Variants in SYCP1 observed in about 807,000 individuals in gnomAD.
SYCP1 encodes the protein cancer/testis antigen 8.
SYCP1 carries 64 observed loss-of-function variants against 153.1 expected under a neutral mutation model. That is an observed-to-expected ratio of 0.42 (90% CI 0.34 to 0.51). SYCP1 has a LOEUF of 0.51. SYCP1 is among the 20% of genes least tolerant of loss of function. The probability of loss-of-function intolerance (pLI) is 0.06; values close to 1 mark genes in which losing one functional copy is unlikely to be tolerated. For missense variants in SYCP1, 997 were observed against 1,049.0 expected, an observed-to-expected ratio of 0.95 and a Z score of 0.68; for synonymous variants, 384 against 341.8, an observed-to-expected ratio of 1.12 and a Z score of -1.36.
chr1:114,943,748 A>G (rs1457549328), intron 23 of SYCP1, among the ~76,000 whole-genome samples: 1 of 151,826 alleles, frequency 6.6e-6, no homozygotes, highest in African/African-American at 2.4e-5. Context: ...TCATCATTAT[A>G]TTACCCATAA....
intron 27 of SYCP1, among the ~76,000 whole-genome samples, chr1:114,970,871 T>C (rs1024008317): frequency 2.0e-5 from 3 of 151,832 alleles, no homozygotes; most frequent in Non-Finnish European, 4.4e-5. Context: ...TTTAGTATGC[T>C]GGTTTTCTCA....
chr1:114,857,429 C>T lies in SYCP1; in HGVS notation c.238-15C>T. The stretch of plus-strand genomic sequence containing the variant: ...TATCAGAAGTATTTTCTTATAGAAA[C>T]ATCTATCTTTTTAGGTTGGTAATTC... On this transcript the variant is annotated splice_polypyrimidine_tract_variant and intron_variant, in intron 4 of 31. Coordinates refer to ENST00000369522, the MANE Select transcript of SYCP1 (RefSeq NM_003176.4). The T allele has an allele frequency of 6.3e-7, 1 of 1,590,220 alleles. No individual in the cohort carries two copies. Among genetic ancestry groups the T allele is most frequent in the Non-Finnish European group, 8.6e-7 (1 of 1,167,654 alleles).
intron 16 of SYCP1, among the ~76,000 whole-genome samples, chr1:114,898,833 C>T (rs1165505870): frequency 6.6e-6 from 1 of 152,134 alleles, no homozygotes; most frequent in Non-Finnish European, 1.5e-5. Context: ...CAGATAAGAC[C>T]TTTTAAAGCT....
At chr1:114,985,263 C>A (rs1043967929) in intron 30 of SYCP1, among the ~76,000 whole-genome samples, 2 of 151,900 alleles carry the variant, frequency 1.3e-5, no homozygotes, top group African/African-American at 4.8e-5. Flanking sequence ...ATTATACATG[C>A]TCCTTTTACA....
At chr1:114,944,194 T>C in intron 23 of SYCP1, 145 bp from the exon 24 acceptor site, 1 of 511,054 alleles carries the variant, frequency 2.0e-6, no homozygotes, top group Non-Finnish European at 3.5e-6. Flanking sequence ...CTTCTCACCA[T>C]ATGAAAATGT....
At chr1:114,964,652 T>C (rs912094136) in intron 27 of SYCP1, among the ~76,000 whole-genome samples, 1 of 152,218 alleles carries the variant, frequency 6.6e-6, no homozygotes, top group Non-Finnish European at 1.5e-5. Flanking sequence ...CCATTTCTTG[T>C]TTTTGTCATG....
chr1:114,897,869 A>G (rs1374956137), intron 16 of SYCP1, among the ~76,000 whole-genome samples: 1 of 152,186 alleles, frequency 6.6e-6, no homozygotes, highest in Non-Finnish European at 1.5e-5. Context: ...CAACCATGAC[A>G]GGTACCACCC....
chr1:114,987,877 C>A (rs1408611641), intron 30 of SYCP1, among the ~76,000 whole-genome samples: 4 of 150,888 alleles, frequency 2.7e-5, no homozygotes, highest in East Asian at 3.9e-4. Flanking sequence ...GAAAAAAAAA[C>A]CCTAATTTTG....
At chr1:114,882,062 A>G (rs59620662) in intron 12 of SYCP1, among the ~76,000 whole-genome samples, 1 of 152,086 alleles carries the variant, frequency 6.6e-6, no homozygotes, top group African/African-American at 2.4e-5. Context: ...CGTGGAAAAA[A>G]CCCGTGTTGC....
chr1:114,969,031 T>G (rs888781694), intron 27 of SYCP1, among the ~76,000 whole-genome samples: 2 of 152,198 alleles, frequency 1.3e-5, no homozygotes, highest in Non-Finnish European at 2.9e-5. Flanking sequence ...CAAATATTGC[T>G]GCCTGCTCCT....
At chr1:114,988,917 C>T (rs61811052) in intron 30 of SYCP1, among the ~76,000 whole-genome samples, 8 of 151,932 alleles carry the variant, frequency 5.3e-5, no homozygotes, top group Non-Finnish European at 1.2e-4. Flanking sequence ...CACAGTGGCT[C>T]ACACCTGTAA....
chr1:114,901,940 T>C (rs957878406), intron 16 of SYCP1, among the ~76,000 whole-genome samples: 1 of 152,022 alleles, frequency 6.6e-6, no homozygotes, highest in Non-Finnish European at 1.5e-5. Context: ...GGGAAGAACT[T>C]ATTATTCTTA....
At position 114,857,116 on chromosome 1, in the gene SYCP1, GC is replaced by G. The variant is rs1411771222; in HGVS notation, c.194-114del. The stretch of plus-strand genomic sequence containing the variant: ...ACTGCCCTCTAGTCTAGGCAATAGT[GC>G]CAGATGTCCTCTCTCTCTCAAAAAA... On this transcript the variant is annotated intron_variant, in intron 3 of 31. Coordinates refer to ENST00000369522, the MANE Select transcript of SYCP1 (RefSeq NM_003176.4). 6.7e-5 allele frequency: 49 copies of G among 730,070 alleles called. No individual in the cohort carries two copies. In the African/African-American group the frequency reaches 1.1e-3, roughly 17 times the overall value. 45.2% of individuals were successfully genotyped at this position (730,070 alleles called of 1,614,324 possible). A position where few individuals can be genotyped will look rare whatever the true frequency, so the allele number is the denominator to read the frequency against.
intron 27 of SYCP1, among the ~76,000 whole-genome samples, chr1:114,970,412 C>A (rs1259681557): frequency 6.6e-6 from 1 of 151,926 alleles, no homozygotes; most frequent in East Asian, 1.9e-4. Context: ...CTTTTTCTGG[C>A]AATTCAGAGA....
intron 27 of SYCP1, among the ~76,000 whole-genome samples, chr1:114,960,660 T>C (rs114827160): frequency 0.023 from 3,501 of 152,312 alleles, 56 homozygotes; most frequent in South Asian, 0.034. Context: ...TGATGATCAG[T>C]AATGTTGAGT....
At chr1:114,859,197 T>C (rs551282447) in intron 6 of SYCP1, among the ~76,000 whole-genome samples, 1 of 152,194 alleles carries the variant, frequency 6.6e-6, no homozygotes, top group East Asian at 1.9e-4. Flanking sequence ...AAGCGATTCT[T>C]CTGCCTCAGC....
chr1:114,929,650 A>G (rs535475343), intron 23 of SYCP1, among the ~76,000 whole-genome samples: 5 of 152,180 alleles, frequency 3.3e-5, no homozygotes, highest in African/African-American at 1.2e-4. Context: ...AAAGTTGTCA[A>G]TTCATTAAAA....
rs1279865007 is a variant in SYCP1 at position 114,876,823 on chromosome 1, A to C, written c.801+13A>C. On this transcript the variant is annotated intron_variant, in intron 11 of 31. Transcript: ENST00000369522. ...CAAGGAAAAGCAGGTTTTTTAAAAA[A>C]CCAACTCTTTGTATTCTTTATATTT... 1 of 1,360,304 alleles carries C rather than the reference A, an allele frequency of 7.4e-7. No homozygotes were observed. The highest frequency in any genetic ancestry group is 3.2e-5 in the Admixed American group (1 of 31,256). The allele number at this position is 1,360,304 out of a possible 1,614,324, so 84.3% of individuals were successfully genotyped here. A position where few individuals can be genotyped will look rare whatever the true frequency, so the allele number is the denominator to read the frequency against.
chr1:114,949,610 T>C lies in SYCP1; in HGVS notation c.2322+2290T>C, dbSNP rs185125247. ...CTTGATATGTGAGGCCCATGGGGTC[T>C]TGATTACTATGTCTGTGGTCTACCA... On this transcript the variant is annotated intron_variant, in intron 27 of 31. Transcript: ENST00000369522. 2.0e-4 allele frequency among the ~76,000 whole-genome samples: 31 copies of C among 152,328 alleles called. No homozygotes were observed. The East Asian group carries it at 5.0e-3, about 25-fold the overall frequency.
Sources: gnomAD v4.1 joint callset for allele counts (sites outside exome capture counted in the v4.1 genomes callset) on GRCh38, gnomAD v4.1.1 for gene constraint, MANE v1.5 for transcripts, NCBI Gene and HGNC (gene_info 2026-07-23, HGNC 2026-07-21) for gene names.